The following CSNK2A2IP variants were observed in gnomAD, a reference collection of about 807,000 sequenced individuals.
CSNK2A2IP encodes casein kinase II subunit alpha'-interacting protein.
the CSNK2A2IP span, among the ~76,000 whole-genome samples, chr3:88,352,681 T>C: frequency 6.6e-6 from 1 of 152,054 alleles, no homozygotes; most frequent in Non-Finnish European, 1.5e-5. Context: ...CAGGCTCTAA[T>C]GATCCTCCTG....
the CSNK2A2IP span, among the ~76,000 whole-genome samples, chr3:88,410,703 G>A: frequency 1.3e-5 from 2 of 151,798 alleles, no homozygotes; most frequent in African/African-American, 4.8e-5. Context: ...TGAATTTAAC[G>A]ATTGTTAAAT....
the CSNK2A2IP span, among the ~76,000 whole-genome samples, chr3:88,398,064 C>G: frequency 1.3e-5 from 2 of 152,016 alleles, no homozygotes; most frequent in Admixed American, 6.6e-5. Context: ...ATATGATTTC[C>G]TATAATAAAA....
At chr3:88,413,672 G>A in the CSNK2A2IP span, among the ~76,000 whole-genome samples, 1 of 151,906 alleles carries the variant, frequency 6.6e-6, no homozygotes, top group Non-Finnish European at 1.5e-5. Flanking sequence ...GTATTGCAGA[G>A]CTGTTAACAA....
At chr3:88,350,988 T>G in the CSNK2A2IP span, among the ~76,000 whole-genome samples, 1 of 152,112 alleles carries the variant, frequency 6.6e-6, no homozygotes, top group Non-Finnish European at 1.5e-5. Flanking sequence ...AGATAGAAAA[T>G]GTAATTTGAA....
chr3:88,444,697 C>G, the CSNK2A2IP span, among the ~76,000 whole-genome samples: 1 of 152,122 alleles, frequency 6.6e-6, no homozygotes, highest in South Asian at 2.1e-4. Flanking sequence ...TTTCAGACGG[C>G]TAGGGGTGTT....
the CSNK2A2IP span, among the ~76,000 whole-genome samples, chr3:88,364,501 T>C: frequency 6.6e-6 from 1 of 152,046 alleles, no homozygotes; most frequent in African/African-American, 2.4e-5. Context: ...AGAGAGATAA[T>C]GTAAGTAATA....
At chr3:88,371,918 GAAC>G in the CSNK2A2IP span, among the ~76,000 whole-genome samples, 6 of 151,564 alleles carry the variant, frequency 4.0e-5, no homozygotes, top group Non-Finnish European at 8.9e-5. Flanking sequence ...AGTGCTTAAA[GAAC>G]AACAATGACA....
At chr3:88,400,245 G>T in the CSNK2A2IP span, among the ~76,000 whole-genome samples, 1 of 152,106 alleles carries the variant, frequency 6.6e-6, no homozygotes, top group African/African-American at 2.4e-5. Flanking sequence ...TATTTGCCAA[G>T]AATTGACTCC....
chr3:88,418,667 A>G, the CSNK2A2IP span, among the ~76,000 whole-genome samples: 27 of 152,028 alleles, frequency 1.8e-4, no homozygotes, highest in Middle Eastern at 3.4e-3. Flanking sequence ...CAACTTTTAT[A>G]TTTGGTTGAG....
the CSNK2A2IP span, among the ~76,000 whole-genome samples, chr3:88,456,436 T>C: frequency 2.0e-5 from 3 of 152,064 alleles, no homozygotes; most frequent in Non-Finnish European, 4.4e-5. Flanking sequence ...TTTGTAAGTA[T>C]TTTATTCTGT....
At chr3:88,413,804 A>G in the CSNK2A2IP span, among the ~76,000 whole-genome samples, 1 of 152,000 alleles carries the variant, frequency 6.6e-6, no homozygotes, top group African/African-American at 2.4e-5. Context: ...AGTGTGATTA[A>G]TTAATAATGC....
chr3:88,378,716 T>C, the CSNK2A2IP span, among the ~76,000 whole-genome samples: 11 of 152,040 alleles, frequency 7.2e-5, no homozygotes, highest in African/African-American at 2.7e-4. Context: ...ACACCTATCT[T>C]TTCTTTGTTA....
chr3:88,428,131 G>A, the CSNK2A2IP span, among the ~76,000 whole-genome samples: 3 of 152,192 alleles, frequency 2.0e-5, no homozygotes, highest in Non-Finnish European at 4.4e-5. Flanking sequence ...AGTCAAAGGA[G>A]ATCATTTCAG....
the CSNK2A2IP span, among the ~76,000 whole-genome samples, chr3:88,449,891 A>T: frequency 1.4e-5 from 2 of 144,608 alleles, no homozygotes; most frequent in Non-Finnish European, 1.5e-5. Flanking sequence ...AGAGAGAGAG[A>T]GAGTCTTGCT....
At chr3:88,367,513 GAAC>G in the CSNK2A2IP span, among the ~76,000 whole-genome samples, 1 of 151,974 alleles carries the variant, frequency 6.6e-6, no homozygotes, top group South Asian at 2.1e-4. Flanking sequence ...TTGGAGATAA[GAAC>G]AACAACAAAA....
chr3:88,384,417 G>T, the CSNK2A2IP span, among the ~76,000 whole-genome samples: 39 of 151,996 alleles, frequency 2.6e-4, no homozygotes, highest in African/African-American at 9.2e-4. Context: ...AAGAGCCAGC[G>T]AAAGAGACTT....
chr3:88,465,294 T>TAACA, the CSNK2A2IP span: 1 of 990,058 alleles, frequency 1.0e-6, no homozygotes, highest in East Asian at 3.3e-5. Context: ...GCTAAAAGAC[T>TAACA]AACAGTTACT....
At chr3:88,446,916 T>C in the CSNK2A2IP span, among the ~76,000 whole-genome samples, 1 of 152,214 alleles carries the variant, frequency 6.6e-6, no homozygotes, top group African/African-American at 2.4e-5. Flanking sequence ...GGATCTGGCA[T>C]CTTGTAGATT....
the CSNK2A2IP span, among the ~76,000 whole-genome samples, chr3:88,339,370 G>A: frequency 9.2e-5 from 14 of 151,888 alleles, no homozygotes; most frequent in Non-Finnish European, 1.2e-4. Flanking sequence ...CAAATGACAT[G>A]ACTTCATTCC....
Sources: allele counts gnomAD v4.1 joint callset (sites outside exome capture counted in the v4.1 genomes callset), GRCh38; gene constraint gnomAD v4.1.1; transcripts MANE v1.5; gene names NCBI Gene and HGNC (gene_info 2026-07-23, HGNC 2026-07-21).